The following KLHDC1 variants were observed in gnomAD, a reference collection of about 807,000 sequenced individuals.
The protein encoded by KLHDC1 is kelch domain containing 1.
KLHDC1 carries 53 observed loss-of-function variants against 68.3 expected under a neutral mutation model. That is an observed-to-expected ratio of 0.78 (90% CI 0.62 to 0.98). KLHDC1 has a LOEUF of 0.98. Ranked by LOEUF, KLHDC1 falls within the 50% of genes least tolerant of loss-of-function variation. The probability of loss-of-function intolerance (pLI) is 0.00; values close to 1 mark genes in which losing one functional copy is unlikely to be tolerated. For missense variants in KLHDC1, 470 were observed against 492.3 expected (o/e 0.95, Z 0.43); for synonymous variants, 148 against 159.0 (o/e 0.93, Z 0.52).
At chr14:49,714,797 A>G (rs1888325909) in intron 4 of KLHDC1, among the ~76,000 whole-genome samples, 1 of 149,880 alleles carries the variant, frequency 6.7e-6, no homozygotes, top group Admixed American at 6.7e-5. Context: ...TGTATGGTAT[A>G]TGTTATATAA....
At chr14:49,732,317 C>A (rs1888830122) in intron 8 of KLHDC1, among the ~76,000 whole-genome samples, 1 of 151,908 alleles carries the variant, frequency 6.6e-6, no homozygotes, top group Non-Finnish European at 1.5e-5. Flanking sequence ...GGACTACAGG[C>A]GCATGCCACC....
chr14:49,696,816 C>G (rs1007562573), intron 1 of KLHDC1, among the ~76,000 whole-genome samples: 62 of 143,670 alleles, frequency 4.3e-4, no homozygotes, highest in African/African-American at 1.6e-3. Context: ...CCTGTATTAG[C>G]TTTTGACATG....
At chr14:49,751,258 C>T (rs1465891660) in intron 12 of KLHDC1, among the ~76,000 whole-genome samples, 1 of 151,826 alleles carries the variant, frequency 6.6e-6, no homozygotes, top group African/African-American at 2.4e-5. Flanking sequence ...ATGTTCCAAA[C>T]AAAACAAATG....
At chr14:49,696,845 A>ACTG (rs79637004) in intron 1 of KLHDC1, among the ~76,000 whole-genome samples, 2 of 152,044 alleles carry the variant, frequency 1.3e-5, no homozygotes, top group Non-Finnish European at 2.9e-5. Context: ...ACTAAGCTTA[A>ACTG]TTTCTAGCTT....
In KLHDC1 at chr14:49,705,365, C is replaced by CTTTTTTTTTTTTTTTTTTT; in HGVS notation, c.97-3791_97-3773dup. On this transcript the variant is annotated intron_variant, in intron 1 of 12. Transcript: ENST00000359332. ...TCACTTTCATAATATTTCTTTCTTT[C>CTTTTTTTTTTTTTTTTTTT]TTTTTTTTTTTTTTTTTTTTTGAGA... 1.4e-3 allele frequency among the ~76,000 whole-genome samples: 101 copies of CTTTTTTTTTTTTTTTTTTT among 71,672 alleles called. 19 individuals carry two copies. The highest frequency in any genetic ancestry group is 4.0e-3 in the African/African-American group (74 of 18,332). 47.0% of individuals were successfully genotyped at this position (71,672 alleles called of 152,430 possible). A position where few individuals can be genotyped will look rare whatever the true frequency, so the allele number is the denominator to read the frequency against.
chr14:49,709,294 T>C, intron 2 of KLHDC1, 65 bp downstream of exon 2: 1 of 718,174 alleles, frequency 1.4e-6, no homozygotes, highest in Non-Finnish European at 2.3e-6. Flanking sequence ...CTGTAGACTC[T>C]AGGGAATTTG....
intron 1 of KLHDC1, among the ~76,000 whole-genome samples, chr14:49,699,740 G>C (rs4898629): frequency 0.94 from 143,228 of 152,226 alleles, 68,007 homozygotes; most frequent in East Asian, 1. Context: ...CTGAAAATAG[G>C]CACCCCCAGA....
In KLHDC1 at chr14:49,732,723, A is replaced by G. The variant is rs375091818; in HGVS notation, c.730A>G (p.Ser244Gly). The G allele has an allele frequency of 1.3e-6, 2 of 1,597,468 alleles. No individual in the cohort carries two copies. Among genetic ancestry groups the G allele is most frequent in the Non-Finnish European group, 8.6e-7 (1 of 1,165,734 alleles). Residue 244 changes from serine to glycine, a missense_variant, in exon 9 of 13, where the codon AGC becomes GGC. Ser to Gly is a moderately conservative substitution (Grantham distance 56, BLOSUM62 0). Transcript: ENST00000359332. Reference sequence around the variant, plus strand: ...CCACAGGATTACTATTAATGGAGAAAGCCCAAAACATCGGTCATGGCATAC... The same window carrying G: ...CCACAGGATTACTATTAATGGAGAAGGCCCAAAACATCGGTCATGGCATAC... ...WSGRITINGE[S>G]PKHRSWHTLT...
intron 1 of KLHDC1, among the ~76,000 whole-genome samples, chr14:49,694,065 T>C (rs1887662612): frequency 6.6e-6 from 1 of 152,160 alleles, no homozygotes; most frequent in Non-Finnish European, 1.5e-5. Flanking sequence ...ATTTTAAATA[T>C]TTCTAAGCTA....
chr14:49,748,883 C>G (rs1417568069), intron 12 of KLHDC1, among the ~76,000 whole-genome samples: 1 of 151,738 alleles, frequency 6.6e-6, no homozygotes, highest in Non-Finnish European at 1.5e-5. Flanking sequence ...TCACTGCAAC[C>G]TCCGCCTCCT....
chr14:49,698,054 A>G (rs1051800047), intron 1 of KLHDC1, among the ~76,000 whole-genome samples: 1 of 152,202 alleles, frequency 6.6e-6, no homozygotes, highest in African/African-American at 2.4e-5. Flanking sequence ...AAAGGTGGCT[A>G]TATGCACAAG....
intron 1 of KLHDC1, among the ~76,000 whole-genome samples, chr14:49,700,886 G>A (rs1887886113): frequency 6.6e-6 from 1 of 152,094 alleles, no homozygotes; most frequent in South Asian, 2.1e-4. Flanking sequence ...TTCAAGACCA[G>A]CCTGGCCAAC....
At chr14:49,709,050 T>C in intron 1 of KLHDC1, 109 bp from the exon 2 acceptor site, 1 of 560,730 alleles carries the variant, frequency 1.8e-6, no homozygotes, top group Non-Finnish European at 3.1e-6. Context: ...CCTTGAGCCT[T>C]CTTTTGTGTT....
At chr14:49,715,755 A>ATAT (rs1190003555) in intron 4 of KLHDC1, among the ~76,000 whole-genome samples, 2 of 127,256 alleles carry the variant, frequency 1.6e-5, no homozygotes, top group South Asian at 2.2e-4. Flanking sequence ...AAAAAAAAAA[A>ATAT]AAAAAAAAAA....
chr14:49,699,721 T>G (rs1003255653), intron 1 of KLHDC1, among the ~76,000 whole-genome samples: 2 of 152,216 alleles, frequency 1.3e-5, no homozygotes, highest in African/African-American at 2.4e-5. Flanking sequence ...AAGGCCATTA[T>G]ATTAGTATCT....
chr14:49,693,897 G>T (rs1372132629), intron 1 of KLHDC1, among the ~76,000 whole-genome samples: 1 of 151,262 alleles, frequency 6.6e-6, no homozygotes, highest in Non-Finnish European at 1.5e-5. Flanking sequence ...GGGCTTACCG[G>T]CATGTGCCAT....
Position 49,739,721 on chromosome 14 carries a change from G to A in KLHDC1, c.897-377G>A, listed in dbSNP as rs536520147. 5.9e-5 allele frequency among the ~76,000 whole-genome samples: 9 copies of A among 152,276 alleles called. No individual in the cohort carries two copies. The South Asian group carries it at 1.7e-3, about 28-fold the overall frequency. ...GGGATAATATGTATGAGAGAAAAAG[G>A]TTATAAAAATATTGAAGGATATAGT... On this transcript the variant is annotated intron_variant, in intron 10 of 12. Coordinates refer to ENST00000359332, the MANE Select transcript of KLHDC1 (RefSeq NM_172193.3).
At chr14:49,711,095 C>A (rs547229304) in intron 4 of KLHDC1, among the ~76,000 whole-genome samples, 1 of 152,160 alleles carries the variant, frequency 6.6e-6, no homozygotes, top group Non-Finnish European at 1.5e-5. Context: ...CGGGTTCAAG[C>A]GATTCTCTGG....
intron 4 of KLHDC1, among the ~76,000 whole-genome samples, chr14:49,719,492 G>A (rs1298333289): frequency 1.3e-5 from 2 of 151,080 alleles, no homozygotes; most frequent in African/African-American, 2.4e-5. Flanking sequence ...GCAGTGATGC[G>A]ATCTGAGCTC....
Sources: allele counts gnomAD v4.1 joint callset (sites outside exome capture counted in the v4.1 genomes callset), GRCh38; gene constraint gnomAD v4.1.1; transcripts MANE v1.5; gene names NCBI Gene and HGNC (gene_info 2026-07-23, HGNC 2026-07-21).